The following PRKD1 variants were observed in gnomAD, a reference collection of about 807,000 sequenced individuals.
The protein encoded by PRKD1 is protein kinase D1, also known as serine/threonine-protein kinase D1.
PRKD1 carries 63 observed loss-of-function variants against 95.9 expected under a neutral mutation model. The ratio of observed to expected loss-of-function variants is 0.66; its 90% CI spans 0.54 to 0.81. The LOEUF (loss-of-function observed/expected upper bound fraction) is 0.81. Ranked by LOEUF, PRKD1 falls within the 30% of genes least tolerant of loss-of-function variation. The pLI is 0.00. For missense variants in PRKD1, 1,048 were observed against 1,165.3 expected (o/e 0.90, Z 1.47); for synonymous variants, 425 against 423.1 (o/e 1.00, Z -0.05).
At chr14:29,681,431 C>T (rs1270572654) in intron 2 of PRKD1, among the ~76,000 whole-genome samples, 5 of 113,776 alleles carry the variant, frequency 4.4e-5, no homozygotes, top group Admixed American at 8.1e-5. Flanking sequence ...ATTTATTTTG[C>T]TTCTGAGTAA....
At chr14:29,720,849 A>G (rs1229997556) in intron 2 of PRKD1, among the ~76,000 whole-genome samples, 1 of 152,170 alleles carries the variant, frequency 6.6e-6, no homozygotes, top group Non-Finnish European at 1.5e-5. Flanking sequence ...GTACAAAATC[A>G]TGAAGGAAAT....
chr14:29,781,754 A>T (rs1044937799), intron 1 of PRKD1, among the ~76,000 whole-genome samples: 2 of 152,262 alleles, frequency 1.3e-5, no homozygotes, highest in Non-Finnish European at 2.9e-5. Flanking sequence ...TCTACTTCAC[A>T]TGAACATTTC....
At chr14:29,675,662 G>A (rs180821261) in intron 2 of PRKD1, among the ~76,000 whole-genome samples, 10 of 152,184 alleles carry the variant, frequency 6.6e-5, no homozygotes, top group East Asian at 1.9e-4. Flanking sequence ...TCATGCTGCT[G>A]TAAAGACACA....
At position 29,716,622 on chromosome 14, in the gene PRKD1, A is replaced by G. The variant is rs187920396; in HGVS notation, c.403+8914T>C. Among the ~76,000 whole-genome samples the G allele has an allele frequency of 7.0e-4, 107 of 151,836 alleles. 2 individuals are homozygous for G. The highest frequency in any genetic ancestry group is 2.4e-3 in the African/African-American group (101 of 41,552). On this transcript the variant is annotated intron_variant, in intron 2 of 17. Transcript: ENST00000331968. ...TATGAAACACAGAGGCTCCAGAAAG[A>G]AAAAGACAATGAATAAATTGACGAA...
intron 16 of PRKD1, among the ~76,000 whole-genome samples, chr14:29,581,617 A>T (rs1424835227): frequency 6.6e-6 from 1 of 152,138 alleles, no homozygotes; most frequent in African/African-American, 2.4e-5. Flanking sequence ...TTAACTTATC[A>T]TTGTAAGTGG....
intron 4 of PRKD1, among the ~76,000 whole-genome samples, chr14:29,657,172 CTT>C (rs45518033): frequency 0.022 from 3,342 of 152,194 alleles, 109 homozygotes; most frequent in African/African-American, 0.071. Context: ...TAAGGTTACT[CTT>C]AATGATTTTT....
At chr14:29,876,564 AT>A (rs1893297332) in intron 1 of PRKD1, among the ~76,000 whole-genome samples, 2 of 152,134 alleles carry the variant, frequency 1.3e-5, no homozygotes, top group South Asian at 4.1e-4. Flanking sequence ...ACAGAACTTC[AT>A]CAAAATTTAA....
At chr14:29,589,618 T>C (rs1893055423) in intron 16 of PRKD1, among the ~76,000 whole-genome samples, 1 of 151,950 alleles carries the variant, frequency 6.6e-6, no homozygotes, top group Non-Finnish European at 1.5e-5. Flanking sequence ...TATTTACATA[T>C]AAATATTATA....
At chr14:29,924,334 T>C (rs756987717) in intron 1 of PRKD1, among the ~76,000 whole-genome samples, 5 of 152,180 alleles carry the variant, frequency 3.3e-5, no homozygotes, top group Non-Finnish European at 7.3e-5. Context: ...ATGTTTCAAG[T>C]ACAATCGTGT....
rs77509065 is a variant in PRKD1 at position 29,805,131 on chromosome 14, T to C, written c.265-79457A>G. On this transcript the variant is annotated intron_variant, in intron 1 of 17. Coordinates refer to ENST00000331968, the MANE Select transcript of PRKD1 (RefSeq NM_002742.3). The stretch of plus-strand genomic sequence containing the variant: ...AGATTATCATACAGTTGGTCTGCAG[T>C]GTGTCCTCTGATCTGCATTTCTACA... 9.8e-3 allele frequency among the ~76,000 whole-genome samples: 1,489 copies of C among 152,192 alleles called. 5 individuals carry two copies. Among genetic ancestry groups the C allele is most frequent in the Non-Finnish European group, 0.017 (1,145 of 68,014 alleles).
chr14:29,721,761 A>G lies in PRKD1; in HGVS notation c.403+3775T>C, dbSNP rs185881905. Among the ~76,000 whole-genome samples, 149 of 152,230 alleles carry G rather than the reference A, an allele frequency of 9.8e-4. 2 individuals carry two copies. The highest frequency in any genetic ancestry group is 6.8e-3 in the Middle Eastern group (2 of 294). ...AGTCCTTTGTTTAACATACAAAGAG[A>G]ATTTGCCAGTAGTGGGGATAGGTGG... On this transcript the variant is annotated intron_variant, in intron 2 of 17. Coordinates refer to ENST00000331968, the MANE Select transcript of PRKD1 (RefSeq NM_002742.3).
intron 1 of PRKD1, among the ~76,000 whole-genome samples, chr14:29,763,497 G>T (rs929551818): frequency 7.4e-6 from 1 of 135,788 alleles, no homozygotes; most frequent in African/African-American, 2.7e-5. Context: ...AAGGGAGGGA[G>T]GGAAGGGTAA....
intron 1 of PRKD1, among the ~76,000 whole-genome samples, chr14:29,750,226 G>T (rs147206077): frequency 1.3e-5 from 2 of 152,274 alleles, no homozygotes; most frequent in East Asian, 1.9e-4. Flanking sequence ...GTCTGCCAGA[G>T]CTCCAAATTA....
At chr14:29,605,459 A>G (rs1893671499) in intron 13 of PRKD1, among the ~76,000 whole-genome samples, 1 of 152,184 alleles carries the variant, frequency 6.6e-6, no homozygotes, top group African/African-American at 2.4e-5. Flanking sequence ...GTTTTCATAC[A>G]TACTACCCTT....
intron 1 of PRKD1, among the ~76,000 whole-genome samples, chr14:29,757,074 G>A (rs1887735897): frequency 6.6e-6 from 1 of 152,060 alleles, no homozygotes; most frequent in African/African-American, 2.4e-5. Flanking sequence ...TTGTACTATG[G>A]GTTAAATGAA....
intron 14 of PRKD1, among the ~76,000 whole-genome samples, chr14:29,599,444 T>A (rs1156742458): frequency 1.3e-5 from 2 of 152,190 alleles, no homozygotes; most frequent in African/African-American, 4.8e-5. Flanking sequence ...TTTGAATACA[T>A]GGACCTGCAA....
intron 1 of PRKD1, among the ~76,000 whole-genome samples, chr14:29,827,824 G>A (rs889665894): frequency 3.9e-5 from 6 of 152,068 alleles, no homozygotes; most frequent in African/African-American, 1.4e-4. Flanking sequence ...ATATCTCACA[G>A]TCCAAATGGC....
chr14:29,738,626 G>A (rs771132238), intron 1 of PRKD1, among the ~76,000 whole-genome samples: 2 of 151,912 alleles, frequency 1.3e-5, no homozygotes, highest in Non-Finnish European at 2.9e-5. Context: ...TGAGCCACGG[G>A]CATGCTGTTC....
chr14:29,699,392 C>G (rs1339193324), intron 2 of PRKD1, among the ~76,000 whole-genome samples: 2 of 152,088 alleles, frequency 1.3e-5, no homozygotes, highest in Non-Finnish European at 2.9e-5. Flanking sequence ...TTGTAGATTA[C>G]AGATGAGGTT....
Sources: gnomAD v4.1 joint callset for allele counts (sites outside exome capture counted in the v4.1 genomes callset) on GRCh38, gnomAD v4.1.1 for gene constraint, MANE v1.5 for transcripts, NCBI Gene and HGNC (gene_info 2026-07-23, HGNC 2026-07-21) for gene names.